SP2: variants seen among roughly 807,000 people sequenced by gnomAD.
SP2 encodes Sp2 transcription factor.
In SP2, 9 loss-of-function variants were observed where a neutral mutation model predicts 50.1. The ratio of observed to expected loss-of-function variants is 0.18; its 90% confidence interval spans 0.11 to 0.31. The LOEUF is 0.31. Ranked by LOEUF, SP2 falls within the 10% of genes least tolerant of loss-of-function variation. SP2 has a pLI of 1.00. For synonymous variants in SP2, 313 were observed against 326.6 expected (o/e 0.96, Z 0.45); for missense variants, 581 against 806.5 (o/e 0.72, Z 3.39).
At chr17:47,922,363 C>G (rs575754159) in intron 3 of SP2, among the ~76,000 whole-genome samples, 1 of 152,266 alleles carries the variant, frequency 6.6e-6, no homozygotes, top group South Asian at 2.1e-4. Context: ...AAGTTTAGCC[C>G]ACATCATACT....
At chr17:47,908,817 AGT>A (rs1781945130) in intron 1 of SP2, 1 of 152,184 alleles carries the variant, frequency 6.6e-6, no homozygotes, top group Non-Finnish European at 1.5e-5. Context: ...GGCCTCCCAA[AGT>A]GCTGGGATTA....
intron 1 of SP2, among the ~76,000 whole-genome samples, chr17:47,910,069 G>A (rs972834856): frequency 1.3e-5 from 2 of 152,098 alleles, no homozygotes; most frequent in Non-Finnish European, 2.9e-5. Context: ...AGGCTGGTAT[G>A]AACTCCTGAT....
At chr17:47,917,605 ATGTT>A (rs1567698649) in intron 3 of SP2, among the ~76,000 whole-genome samples, 1 of 136,464 alleles carries the variant, frequency 7.3e-6, no homozygotes, top group African/African-American at 2.7e-5. Flanking sequence ...TTCATCTGGA[ATGTT>A]TGTTTGTTTT....
intron 6 of SP2, 72 bp from the exon 7 acceptor site, chr17:47,927,652 C>T: frequency 9.8e-7 from 1 of 1,015,828 alleles, no homozygotes; most frequent in Non-Finnish European, 1.5e-6. Flanking sequence ...ACCTCACACG[C>T]ACCCCACCTT....
chr17:47,901,494 C>T (rs1294567141), intron 1 of SP2, among the ~76,000 whole-genome samples: 2 of 152,118 alleles, frequency 1.3e-5, no homozygotes, highest in Non-Finnish European at 2.9e-5. Flanking sequence ...GAGTCTCGCT[C>T]TGTCACCAGG....
At chr17:47,917,840 T>A (rs1475391717) in intron 3 of SP2, 1 of 424,430 alleles carries the variant, frequency 2.4e-6, no homozygotes, top group East Asian at 8.2e-5. Context: ...TTTTTGGCAT[T>A]TATTAATGTG....
At chr17:47,925,905 CTTTTTTTTTTT>C (rs71141942) in intron 6 of SP2, among the ~76,000 whole-genome samples, 6,314 of 84,486 alleles carry the variant, frequency 0.075, 354 homozygotes, top group African/African-American at 0.2. Flanking sequence ...TTGTTTATGC[CTTTTTTTTTTT>C]TTTTTTTTTT....
chr17:47,910,337 T>C (rs548055617), intron 1 of SP2, among the ~76,000 whole-genome samples: 2 of 152,222 alleles, frequency 1.3e-5, no homozygotes, highest in African/African-American at 2.4e-5. Context: ...CAGGAAACTT[T>C]CATTGCATGA....
At chr17:47,921,008 TC>T (rs200329132) in intron 3 of SP2, among the ~76,000 whole-genome samples, 2,512 of 152,314 alleles carry the variant, frequency 0.016, 35 homozygotes, top group Middle Eastern at 0.048. Flanking sequence ...TCAAGGTTCA[TC>T]CATGTTGTAG....
At chr17:47,926,323 T>G (rs1845321593) in intron 6 of SP2, among the ~76,000 whole-genome samples, 1 of 151,268 alleles carries the variant, frequency 6.6e-6, no homozygotes, top group South Asian at 2.1e-4. Context: ...TTGTTTTTTT[T>G]TTTTTTTAAG....
At chr17:47,926,197 G>A (rs1339375402) in intron 6 of SP2, among the ~76,000 whole-genome samples, 1 of 151,770 alleles carries the variant, frequency 6.6e-6, no homozygotes, top group Non-Finnish European at 1.5e-5. Context: ...GAATAGAGGC[G>A]TGAGCCACTG....
rs147415907 is a variant in SP2 at position 47,916,890 on chromosome 17, C to T, written c.819C>T (p.Thr273=). 289 of 1,614,196 alleles carry T rather than the reference C, an allele frequency of 1.8e-4. 1 individual carries two copies. The highest frequency in any genetic ancestry group is 1.6e-4 in the Middle Eastern group (1 of 6,062). ...TGGAGACGGTGCTGATCGAGACCAC[C>T]GCGGACAACATCATCCAGGCAGGAA... ...EQVETVLIET[T]ADNIIQAGNN... Residue 273 remains threonine (T), a synonymous_variant, in exon 3 of 7, where the codon ACC becomes ACT. Transcript: ENST00000376741. This position sits in a 1 kb window ranked among gnomAD's most constrained non-coding sequence, Gnocchi z 4.7.
At chr17:47,902,719 C>T (rs1007876566) in intron 1 of SP2, among the ~76,000 whole-genome samples, 4 of 152,142 alleles carry the variant, frequency 2.6e-5, no homozygotes, top group African/African-American at 7.2e-5. Flanking sequence ...AGGACAATAT[C>T]GGGAGCACTG....
At chr17:47,896,976 C>T (rs2143729207) in intron 1 of SP2, among the ~76,000 whole-genome samples, 1 of 152,330 alleles carries the variant, frequency 6.6e-6, no homozygotes, top group South Asian at 2.1e-4. Context: ...GATCTTCCAG[C>T]TAGATATCTG....
chr17:47,925,791 A>G (rs1220013599), intron 6 of SP2, among the ~76,000 whole-genome samples: 1 of 152,168 alleles, frequency 6.6e-6, no homozygotes, highest in African/African-American at 2.4e-5. Flanking sequence ...TTGCCATGTC[A>G]GCATAGTTAT....
In SP2 at chr17:47,927,863, C is replaced by T; in HGVS notation, c.*39C>T. 3 of 1,234,052 alleles carry T rather than the reference C, an allele frequency of 2.4e-6. No homozygotes were observed. Among genetic ancestry groups the T allele is most frequent in the South Asian group, 1.3e-5 (1 of 77,948 alleles). 76.4% of individuals were successfully genotyped at this position (1,234,052 alleles called of 1,614,324 possible). ...GGGAGGCCCTGAAGATGCAGTCCCC[C>T]ACCTGTGTCCTCCCTGGGCCCCTGG... On this transcript the variant is annotated 3_prime_UTR_variant, in exon 7 of 7. Transcript: ENST00000376741.
intron 1 of SP2, among the ~76,000 whole-genome samples, chr17:47,913,165 A>G (rs1341447535): frequency 6.6e-6 from 1 of 150,866 alleles, no homozygotes; most frequent in East Asian, 2.0e-4. Flanking sequence ...CCAGCCCAAT[A>G]TCTATCCTCT....
chr17:47,915,476 A>G lies in SP2; in HGVS notation c.84+88A>G, dbSNP rs1054182899. On this transcript the variant is annotated intron_variant, in intron 2 of 6. Transcript: ENST00000376741. ...CACTCTCTCTTCACTGTCTCACTATAAATACCCTAGGTTATGAGACTGGGG... is the reference window on the plus strand; with the variant it reads ...CACTCTCTCTTCACTGTCTCACTATGAATACCCTAGGTTATGAGACTGGGG... The G allele has an allele frequency of 2.1e-5, 17 of 807,954 alleles. No individual in the cohort carries two copies. In the African/African-American group the frequency reaches 2.3e-4, roughly 11 times the overall value. 50.0% of individuals were successfully genotyped at this position (807,954 alleles called of 1,614,324 possible).
intron 1 of SP2, among the ~76,000 whole-genome samples, chr17:47,907,943 C>T (rs2034829938): frequency 6.6e-6 from 1 of 152,202 alleles, no homozygotes; most frequent in African/African-American, 2.4e-5. Flanking sequence ...GGAAATGCCT[C>T]TCTTTTCCTT....
Sources: allele counts gnomAD v4.1 joint callset (sites outside exome capture counted in the v4.1 genomes callset), GRCh38; gene constraint gnomAD v4.1.1; non-coding constraint Gnocchi (gnomAD v3.1); transcripts MANE v1.5; gene names NCBI Gene and HGNC (gene_info 2026-07-23, HGNC 2026-07-21).